Variants in ST3GAL3 observed in about 807,000 individuals in gnomAD.
ST3GAL3 encodes ST3 beta-galactoside alpha-2,3-sialyltransferase 3, also known as CMP-N-acetylneuraminate-beta-1,4-galactoside alpha-2,3-sialyltransferase.
ST3GAL3 carries 21 observed loss-of-function variants against 50.1 expected under a neutral mutation model. That is an observed-to-expected ratio of 0.42 (90% CI 0.30 to 0.60). The LOEUF is 0.60. Ranked by LOEUF, ST3GAL3 falls within the 20% of genes least tolerant of loss-of-function variation. ST3GAL3 has a pLI of 0.19. For missense variants in ST3GAL3, 353 were observed against 489.4 expected (o/e 0.72, Z 2.63); for synonymous variants, 183 against 190.0 (o/e 0.96, Z 0.30).
intron 5 of ST3GAL3, among the ~76,000 whole-genome samples, chr1:43,845,853 A>G (rs1242745161): frequency 1.3e-5 from 2 of 152,172 alleles, no homozygotes; most frequent in Non-Finnish European, 1.5e-5. Context: ...TTGTTGAGTT[A>G]AAAATATTAT....
chr1:43,787,452 C>T (rs1172680391), intron 2 of ST3GAL3, among the ~76,000 whole-genome samples: 1 of 152,216 alleles, frequency 6.6e-6, no homozygotes, highest in Non-Finnish European at 1.5e-5. Context: ...CAAACTGTTT[C>T]TGAAGTCAAA....
At chr1:43,727,971 A>G (rs1371711044) in intron 1 of ST3GAL3, among the ~76,000 whole-genome samples, 3 of 151,930 alleles carry the variant, frequency 2.0e-5, no homozygotes, top group East Asian at 1.9e-4. Flanking sequence ...CCTGTCACCC[A>G]TGTACTCAGC....
At chr1:43,740,129 C>T (rs1021006676) in intron 2 of ST3GAL3, among the ~76,000 whole-genome samples, 8 of 151,762 alleles carry the variant, frequency 5.3e-5, no homozygotes, top group South Asian at 2.1e-4. Context: ...TTTGGGAGGC[C>T]GAGGTGGGCG....
At chr1:43,783,899 A>G (rs1278529464) in intron 2 of ST3GAL3, among the ~76,000 whole-genome samples, 2 of 152,028 alleles carry the variant, frequency 1.3e-5, no homozygotes, top group Non-Finnish European at 2.9e-5. Flanking sequence ...TTTCTTCCTC[A>G]ATTTCATGGT....
In ST3GAL3 at chr1:43,930,573, T is replaced by A. The variant is rs550988918; in HGVS notation, c.*352T>A. 113 of 388,200 alleles carry A rather than the reference T, an allele frequency of 2.9e-4. No individual in the cohort carries two copies. The highest frequency in any genetic ancestry group is 1.9e-3 in the African/African-American group (94 of 48,222). 24.0% of individuals were successfully genotyped at this position (388,200 alleles called of 1,614,324 possible). A position where few individuals can be genotyped will look rare whatever the true frequency, so the allele number is the denominator to read the frequency against. On this transcript the variant is annotated 3_prime_UTR_variant, in exon 12 of 12. Transcript: ENST00000347631. ...TTGTGAATTTGGGTAGGGGGGAGGG[T>A]AGGGATAATTTATTTTTAAATAAGG...
chr1:43,920,263 C>A, intron 9 of ST3GAL3, 141 bp from the exon 10 acceptor site: 1 of 956,876 alleles, frequency 1.0e-6, no homozygotes, highest in Non-Finnish European at 1.6e-6. Flanking sequence ...CACAGATGGG[C>A]TTCCTACACC....
At chr1:43,872,581 A>G (rs936689668) in intron 5 of ST3GAL3, among the ~76,000 whole-genome samples, 1 of 151,820 alleles carries the variant, frequency 6.6e-6, no homozygotes, top group Non-Finnish European at 1.5e-5. Context: ...CATCTTCACA[A>G]TAATCCACGA....
intron 3 of ST3GAL3, among the ~76,000 whole-genome samples, chr1:43,806,476 A>T (rs1474215445): frequency 6.6e-6 from 1 of 152,136 alleles, no homozygotes; most frequent in Non-Finnish European, 1.5e-5. Flanking sequence ...TGCATGTAGA[A>T]ATGAGAGACA....
chr1:43,805,634 C>CAG (rs1474122796), intron 3 of ST3GAL3, among the ~76,000 whole-genome samples: 1 of 152,184 alleles, frequency 6.6e-6, no homozygotes, highest in African/African-American at 2.4e-5. Flanking sequence ...AGAGGAGAGG[C>CAG]GTCTGTCGGT....
intron 4 of ST3GAL3, among the ~76,000 whole-genome samples, chr1:43,826,379 A>G (rs987314686): frequency 7.2e-5 from 11 of 152,234 alleles, no homozygotes; most frequent in African/African-American, 2.7e-4. Flanking sequence ...TGACACAAGG[A>G]GAAAAAGACC....
chr1:43,776,543 G>A (rs1053828163), intron 2 of ST3GAL3, among the ~76,000 whole-genome samples: 1 of 152,054 alleles, frequency 6.6e-6, no homozygotes, highest in Non-Finnish European at 1.5e-5. Context: ...GAACATTTGT[G>A]TACAAGTTTT....
intron 9 of ST3GAL3, among the ~76,000 whole-genome samples, chr1:43,918,742 G>A (rs185119554): frequency 1.4e-4 from 21 of 152,220 alleles, no homozygotes; most frequent in Non-Finnish European, 2.4e-4. Flanking sequence ...ACATCCTACT[G>A]AGATTTTTTT....
At chr1:43,826,951 C>T (rs1229015411) in intron 4 of ST3GAL3, among the ~76,000 whole-genome samples, 1 of 152,164 alleles carries the variant, frequency 6.6e-6, no homozygotes, top group African/African-American at 2.4e-5. Context: ...GGAACTTCTT[C>T]AATTTGATCA....
chr1:43,758,080 C>T (rs1688764610), intron 2 of ST3GAL3, among the ~76,000 whole-genome samples: 1 of 151,782 alleles, frequency 6.6e-6, no homozygotes, highest in African/African-American at 2.4e-5. Context: ...AGATTCTCAG[C>T]ATCAAATTAG....
chr1:43,725,229 G>C (rs970841759), intron 1 of ST3GAL3, among the ~76,000 whole-genome samples: 2 of 151,678 alleles, frequency 1.3e-5, no homozygotes, highest in African/African-American at 4.8e-5. Context: ...TTTTGAGATG[G>C]AGTTTCACTC....
intron 2 of ST3GAL3, among the ~76,000 whole-genome samples, chr1:43,786,440 G>A (rs1486113975): frequency 1.3e-5 from 2 of 152,078 alleles, no homozygotes; most frequent in Non-Finnish European, 2.9e-5. Flanking sequence ...GGGCTGCTGC[G>A]CTTGCTTTTC....
intron 5 of ST3GAL3, among the ~76,000 whole-genome samples, chr1:43,867,943 G>C (rs1040502787): frequency 6.6e-6 from 1 of 152,180 alleles, no homozygotes; most frequent in African/African-American, 2.4e-5. Context: ...AAAATTATGG[G>C]AGGCTATATA....
chr1:43,920,282 T>TG (rs756458638), intron 9 of ST3GAL3, 122 bp from the exon 10 acceptor site: 7 of 1,219,224 alleles, frequency 5.7e-6, no homozygotes, highest in Non-Finnish European at 7.2e-6. Context: ...CCACAGGCCC[T>TG]GGGTTCCCCA....
At position 43,793,077 on chromosome 1, in the gene ST3GAL3, G is replaced by C. The variant is rs1341829961; in HGVS notation, c.166+928G>C. 3.3e-4 allele frequency among the ~76,000 whole-genome samples: 50 copies of C among 152,178 alleles called. 1 individual carries two copies. The highest frequency in any genetic ancestry group is 3.3e-3 in the Admixed American group (50 of 15,276). ...CCATGAGGGTCAGGCAGTTGTAGTA[G>C]AGTGGACAAGAGGAAAGACATTCAG... On this transcript the variant is annotated intron_variant, in intron 3 of 11. Transcript: ENST00000347631.
Sources: gnomAD v4.1 joint callset for allele counts (sites outside exome capture counted in the v4.1 genomes callset) on GRCh38, gnomAD v4.1.1 for gene constraint, MANE v1.5 for transcripts, NCBI Gene and HGNC (gene_info 2026-07-23, HGNC 2026-07-21) for gene names.